The following MTHFD2L variants were observed in gnomAD, a reference collection of about 807,000 sequenced individuals.
The protein encoded by MTHFD2L is bifunctional methylenetetrahydrofolate dehydrogenase/cyclohydrolase 2, mitochondrial.
A neutral mutation model predicts 34.9 loss-of-function variants in MTHFD2L; 29 were observed. The observed-to-expected ratio is 0.83, with a 90% CI of 0.62 to 1.13. The LOEUF (loss-of-function observed/expected upper bound fraction) is 1.13, where lower values mean the gene tolerates loss of function less well. MTHFD2L is among the 50% of genes most tolerant of loss of function. MTHFD2L has a pLI of 0.00. For synonymous variants in MTHFD2L, 167 were observed against 155.7 expected (o/e 1.07, Z -0.54); for missense variants, 481 against 446.5 (o/e 1.08, Z -0.70).
At chr4:74,282,394 A>C (rs1003730614) in intron 7 of MTHFD2L, among the ~76,000 whole-genome samples, 2 of 151,934 alleles carry the variant, frequency 1.3e-5, no homozygotes, top group African/African-American at 4.8e-5. Context: ...GAACTTTGTT[A>C]GTTATAGGTG....
intron 2 of MTHFD2L, among the ~76,000 whole-genome samples, chr4:74,174,904 G>A (rs1303278979): frequency 1.3e-5 from 2 of 151,882 alleles, no homozygotes; most frequent in African/African-American, 4.8e-5. Context: ...ATATTCTATG[G>A]CAAGATATGC....
intron 6 of MTHFD2L, among the ~76,000 whole-genome samples, chr4:74,229,062 G>T (rs2110133105): frequency 6.6e-6 from 1 of 152,262 alleles, no homozygotes; most frequent in Admixed American, 6.5e-5. Context: ...TATGTTGAAT[G>T]TAGAAGACAG....
chr4:74,114,561 T>C (rs1265731889), exon 2 of MTHFD2L: 1 of 152,218 alleles, frequency 6.6e-6, no homozygotes, highest in African/African-American at 2.4e-5. Context: ...CTCAAAGCTA[T>C]GTGAGAGGCT....
chr4:74,207,035 C>T (rs1310122323), intron 5 of MTHFD2L, among the ~76,000 whole-genome samples: 2 of 152,002 alleles, frequency 1.3e-5, no homozygotes, highest in Non-Finnish European at 2.9e-5. Flanking sequence ...GTTGTTGGGA[C>T]CACAGGCACA....
intron 3 of MTHFD2L, among the ~76,000 whole-genome samples, chr4:74,199,149 G>A (rs2110048640): frequency 6.6e-6 from 1 of 152,138 alleles, no homozygotes; most frequent in South Asian, 2.1e-4. Context: ...TAAAAAATGA[G>A]ATGATTGGCA....
chr4:74,201,736 A>G (rs951630003), intron 5 of MTHFD2L, among the ~76,000 whole-genome samples: 13 of 152,124 alleles, frequency 8.5e-5, no homozygotes, highest in African/African-American at 2.9e-4. Flanking sequence ...AGCACTTTAG[A>G]AATCAGCTAG....
At chr4:74,270,486 C>T (rs1392392854) in intron 6 of MTHFD2L, among the ~76,000 whole-genome samples, 1 of 152,154 alleles carries the variant, frequency 6.6e-6, no homozygotes, top group South Asian at 2.1e-4. Flanking sequence ...CATGTCCCTA[C>T]AAAGGACATG....
intron 3 of MTHFD2L, among the ~76,000 whole-genome samples, chr4:74,198,067 C>G (rs568014909): frequency 3.9e-5 from 6 of 152,172 alleles, no homozygotes; most frequent in Non-Finnish European, 5.9e-5. Flanking sequence ...ATTCATCTGT[C>G]TTTTAAACTA....
chr4:74,228,353 T>C (rs747842406), intron 6 of MTHFD2L, among the ~76,000 whole-genome samples: 1 of 152,240 alleles, frequency 6.6e-6, no homozygotes, highest in Non-Finnish European at 1.5e-5. Flanking sequence ...TGCTCATCTT[T>C]GTCCGTTTCT....
chr4:74,160,962 A>G (rs774316548), intron 1 of MTHFD2L: 3 of 152,222 alleles, frequency 2.0e-5, no homozygotes, highest in Non-Finnish European at 4.4e-5. Flanking sequence ...AATTAACTAA[A>G]TGGATATCCC....
At chr4:74,270,319 C>G (rs748610958) in intron 6 of MTHFD2L, among the ~76,000 whole-genome samples, 4 of 151,994 alleles carry the variant, frequency 2.6e-5, no homozygotes, top group African/African-American at 7.3e-5. Flanking sequence ...TTCCCTCCCC[C>G]CTTCCCTCAC....
At chr4:74,279,494 A>G (rs559205365) in intron 6 of MTHFD2L, among the ~76,000 whole-genome samples, 1 of 152,094 alleles carries the variant, frequency 6.6e-6, no homozygotes, top group South Asian at 2.1e-4. Flanking sequence ...GTTTTTTTCC[A>G]TTTTGTAATT....
At chr4:74,190,492 G>C (rs1732284089) in intron 3 of MTHFD2L, 13 of 985,262 alleles carry the variant, frequency 1.3e-5, no homozygotes, top group Non-Finnish European at 1.4e-5. Flanking sequence ...TGGAGAACCA[G>C]ACCCACCTTT....
chr4:74,250,311 A>G (rs994275573), intron 6 of MTHFD2L, among the ~76,000 whole-genome samples: 3 of 152,218 alleles, frequency 2.0e-5, no homozygotes, highest in Admixed American at 1.3e-4. Flanking sequence ...AATTTAATTC[A>G]TGTCTCTGTT....
At chr4:74,231,501 T>C (rs1740059779) in intron 6 of MTHFD2L, among the ~76,000 whole-genome samples, 1 of 152,160 alleles carries the variant, frequency 6.6e-6, no homozygotes, top group South Asian at 2.1e-4. Flanking sequence ...TATAGTCCTT[T>C]CCATATCTCA....
intron 6 of MTHFD2L, among the ~76,000 whole-genome samples, chr4:74,259,200 T>G (rs1744389370): frequency 6.6e-6 from 1 of 152,170 alleles, no homozygotes; most frequent in Admixed American, 6.5e-5. Flanking sequence ...CTGCCAGAAC[T>G]TTTTATCTCC....
chr4:74,158,124 C>G lies in MTHFD2L; in HGVS notation c.-15C>G, dbSNP rs1051514609. ...GGAGGTGGAGCCCCAGTCCGGAAGC[C>G]GGGGATCCGCGGCCATGACGGTGCC... is the stretch of plus-strand genomic sequence containing the variant. On this transcript the variant is annotated 5_prime_UTR_variant, in exon 1 of 8. Coordinates refer to ENST00000325278, the MANE Select transcript of MTHFD2L (RefSeq NM_001144978.3). The G allele has an allele frequency of 5.9e-6, 9 of 1,529,714 alleles. No individual in the cohort carries two copies. Among genetic ancestry groups the G allele is most frequent in the African/African-American group, 1.4e-5 (1 of 72,846 alleles). The allele number at this position is 1,529,714 out of a possible 1,614,324, so 94.8% of individuals were successfully genotyped here.
chr4:74,191,229 T>G (rs1732424965), intron 3 of MTHFD2L, among the ~76,000 whole-genome samples: 1 of 152,114 alleles, frequency 6.6e-6, no homozygotes, highest in Non-Finnish European at 1.5e-5. Flanking sequence ...ACTTATATAT[T>G]CTAAACCCCT....
chr4:74,224,242 A>ATTTT (rs1256521745), intron 5 of MTHFD2L: 1 of 151,898 alleles, frequency 6.6e-6, no homozygotes, highest in Non-Finnish European at 1.5e-5. Context: ...GGAAAGCTAT[A>ATTTT]TTTTTTTGCA....
Sources: allele counts gnomAD v4.1 joint callset (sites outside exome capture counted in the v4.1 genomes callset), GRCh38; gene constraint gnomAD v4.1.1; transcripts MANE v1.5; gene names NCBI Gene and HGNC (gene_info 2026-07-23, HGNC 2026-07-21).